PAK4: variants seen among roughly 807,000 people sequenced by gnomAD.
PAK4 encodes the protein p21 (RAC1) activated kinase 4.
In PAK4, 49 loss-of-function variants were observed where a neutral mutation model predicts 53.5. The observed-to-expected ratio is 0.92, with a 90% CI of 0.73 to 1.16. PAK4 has a LOEUF of 1.16. Among genes scored for constraint, PAK4 ranks in the 50% most tolerant of loss-of-function variants. The pLI is 0.00. For synonymous variants in PAK4, 376 were observed against 375.6 expected (o/e 1.00, Z -0.01); for missense variants, 824 against 850.7 (o/e 0.97, Z 0.39).
chr19:39,152,519 T>G (rs1246958918), intron 1 of PAK4: 1 of 152,024 alleles, frequency 6.6e-6, no homozygotes, highest in African/African-American at 2.4e-5. Context: ...TTGAACCTAA[T>G]AAGGAAAAGA....
chr19:39,158,730 G>A (rs367913247), intron 1 of PAK4, among the ~76,000 whole-genome samples: 1 of 152,240 alleles, frequency 6.6e-6, no homozygotes, highest in Non-Finnish European at 1.5e-5. Context: ...CACTCTCTGC[G>A]CTGGGCAAGC....
chr19:39,145,038 T>C (rs1390480569), intron 1 of PAK4, among the ~76,000 whole-genome samples: 2 of 152,186 alleles, frequency 1.3e-5, no homozygotes, highest in African/African-American at 4.8e-5. Context: ...ACCAGCTCCC[T>C]GAAAGCCCTC....
chr19:39,150,332 TC>T (rs2074073323), intron 1 of PAK4, among the ~76,000 whole-genome samples: 1 of 152,130 alleles, frequency 6.6e-6, no homozygotes, highest in Non-Finnish European at 1.5e-5. Flanking sequence ...CCTCTAGGGT[TC>T]CGCGTGTAGA....
rs774292227 is a variant in PAK4 at position 39,174,917 on chromosome 19, C to T, written c.1099-14C>T. ...CTCCCGCCTCCCTCCACCACTGACCCAGCCCCTGCACAGGTGGTAATCATG... is the reference window on the plus strand; with the variant it reads ...CTCCCGCCTCCCTCCACCACTGACCTAGCCCCTGCACAGGTGGTAATCATG... On this transcript the variant is annotated splice_polypyrimidine_tract_variant and intron_variant, in intron 4 of 8. Coordinates refer to ENST00000358301, the Ensembl canonical transcript of PAK4. 2 of 1,613,550 alleles carry T rather than the reference C, an allele frequency of 1.2e-6. No homozygotes were observed. The highest frequency in any genetic ancestry group is 1.7e-6 in the Non-Finnish European group (2 of 1,179,860).
In PAK4 at chr19:39,178,328, T is replaced by A; in HGVS notation, c.1621-96T>A. On this transcript the variant is annotated intron_variant, in intron 8 of 8. Transcript: ENST00000358301. This position sits in a 1 kb window ranked among gnomAD's most constrained non-coding sequence, Gnocchi z 4.4. ...GCCCCCTGCCCTCCTGCACAGTACA[T>A]GCCGCCAGCCGACTTGGCAGAGGCG... is the stretch of plus-strand genomic sequence containing the variant. 7.3e-7 allele frequency: 1 copy of A among 1,378,554 alleles called. No homozygotes were observed. Among genetic ancestry groups the A allele is most frequent in the Non-Finnish European group, 9.9e-7 (1 of 1,010,710 alleles). 85.4% of individuals were successfully genotyped at this position (1,378,554 alleles called of 1,614,324 possible).
intron 1 of PAK4, among the ~76,000 whole-genome samples, chr19:39,157,205 T>C (rs902598024): frequency 3.5e-5 from 5 of 141,854 alleles, no homozygotes; most frequent in Non-Finnish European, 8.1e-5. Flanking sequence ...GCCTACTGTG[T>C]GTGGTTTTGG....
At chr19:39,156,986 CTG>C (rs1453742554) in intron 1 of PAK4, 3 of 152,478 alleles carry the variant, frequency 2.0e-5, no homozygotes, top group Admixed American at 6.5e-5. Flanking sequence ...AGCGGGGTCA[CTG>C]TGTTTCCATG....
At chr19:39,133,236 G>C (rs2073747062) in intron 1 of PAK4, among the ~76,000 whole-genome samples, 1 of 152,208 alleles carries the variant, frequency 6.6e-6, no homozygotes, top group African/African-American at 2.4e-5. Flanking sequence ...GAGTTGTTTT[G>C]AGGATCTAAA....
At chr19:39,140,135 C>G (rs1338298567) in intron 1 of PAK4, among the ~76,000 whole-genome samples, 1 of 152,148 alleles carries the variant, frequency 6.6e-6, no homozygotes, top group African/African-American at 2.4e-5. Context: ...ACCTCTGTCT[C>G]TCTCCCTGTT....
intron 1 of PAK4, among the ~76,000 whole-genome samples, chr19:39,132,919 T>G (rs2073741482): frequency 6.6e-6 from 1 of 152,230 alleles, no homozygotes; most frequent in Non-Finnish European, 1.5e-5. Context: ...CAGCTTTGTG[T>G]TGTTGAAAGC....
chr19:39,150,513 G>A (rs941952663), intron 1 of PAK4, among the ~76,000 whole-genome samples: 3 of 151,988 alleles, frequency 2.0e-5, no homozygotes, highest in Admixed American at 6.6e-5. Flanking sequence ...CCCAAACAGC[G>A]CTGCCTCCTT....
At chr19:39,156,166 G>A (rs2074176718) in intron 1 of PAK4, among the ~76,000 whole-genome samples, 1 of 152,180 alleles carries the variant, frequency 6.6e-6, no homozygotes, top group Non-Finnish European at 1.5e-5. Context: ...GGGGCAGAGT[G>A]GCCCCTTTCC....
intron 1 of PAK4, among the ~76,000 whole-genome samples, chr19:39,164,393 G>A (rs1223637488): frequency 1.3e-5 from 2 of 152,058 alleles, no homozygotes; most frequent in African/African-American, 4.8e-5. Flanking sequence ...CAGGACAGGA[G>A]CAGGGCTTGT....
At chr19:39,169,348 A>C (rs546930620) in intron 1 of PAK4, among the ~76,000 whole-genome samples, 184 bp from the exon 3 acceptor site, 3 of 152,162 alleles carry the variant, frequency 2.0e-5, no homozygotes, top group East Asian at 1.9e-4. Context: ...TCGGGTGCTC[A>C]CGGGTACCCT....
rs529026700 is a variant in PAK4 at position 39,171,493 on chromosome 19, C to T, written c.205-1425C>T. 3.9e-5 allele frequency among the ~76,000 whole-genome samples: 6 copies of T among 152,342 alleles called. No homozygotes were observed. In the South Asian group the frequency reaches 1.0e-3, roughly 26 times the overall value. On this transcript the variant is annotated intron_variant, in intron 2 of 8. Coordinates refer to ENST00000358301, the Ensembl canonical transcript of PAK4. ...CTGGGATTATAGGCGTGAGCCACTG[C>T]TTCTTGCCTCAACGCCCTGTTCTAA...
In PAK4 at chr19:39,133,260, G is replaced by A. The variant is rs145266703; in HGVS notation, c.-23+7341G>A. ...TGAGGATCTAAATGTATATTCGGCA[G>A]GCAAAATGTATAGTAAGTGCTCAAA... On this transcript the variant is annotated intron_variant, in intron 1 of 8. Transcript: ENST00000358301. Among the ~76,000 whole-genome samples, 38 of 152,336 alleles carry A rather than the reference G, an allele frequency of 2.5e-4. No homozygotes were observed. The East Asian group carries it at 6.9e-3, about 28-fold the overall frequency.
intron 1 of PAK4, among the ~76,000 whole-genome samples, chr19:39,144,496 A>G (rs1042688781): frequency 4.0e-5 from 6 of 151,728 alleles, no homozygotes; most frequent in Non-Finnish European, 7.4e-5. Flanking sequence ...AACTCCTTCC[A>G]CTCTGGGTGA....
rs1170539428 is a variant in PAK4, at chr19:39,135,559, TCCTGACTTCAAGGGATCCA to T, written c.-23+9645_-23+9663del. On this transcript the variant is annotated intron_variant, in intron 1 of 8. Transcript: ENST00000358301. Reference sequence around the variant, plus strand: ...CATGTTGGCCAGGCAGGTCTCAAACTCCTGACTTCAAGGGATCCACCTGCCTCAGCCTCCCAAGGTGCTG... The same window carrying T: ...CATGTTGGCCAGGCAGGTCTCAAACTCCTGCCTCAGCCTCCCAAGGTGCTG... 2.0e-5 allele frequency among the ~76,000 whole-genome samples: 3 copies of T among 152,058 alleles called. No individual in the cohort carries two copies. In the East Asian group the frequency reaches 5.8e-4, roughly 30 times the overall value.
intron 1 of PAK4, among the ~76,000 whole-genome samples, chr19:39,158,502 C>G (rs2144757152): frequency 6.6e-6 from 1 of 152,318 alleles, no homozygotes; most frequent in East Asian, 1.9e-4. Flanking sequence ...TCTGATTTCC[C>G]AGGCCGTATG....
Sources: allele counts gnomAD v4.1 joint callset (sites outside exome capture counted in the v4.1 genomes callset), GRCh38; gene constraint gnomAD v4.1.1; non-coding constraint Gnocchi (gnomAD v3.1); transcripts MANE v1.5; gene names NCBI Gene and HGNC (gene_info 2026-07-23, HGNC 2026-07-21).